The following VAV2 variants were observed in gnomAD, a reference collection of about 807,000 sequenced individuals.
VAV2 encodes guanine nucleotide exchange factor VAV2.
VAV2 carries 67 observed loss-of-function variants against 132.5 expected under a neutral mutation model. The ratio of observed to expected loss-of-function variants is 0.51; its 90% confidence interval spans 0.42 to 0.62. VAV2 has a LOEUF of 0.62. VAV2 is among the 20% of genes least tolerant of loss of function. VAV2 has a pLI of 0.00. For missense variants in VAV2, 938 were observed against 1,153.6 expected, an observed-to-expected ratio of 0.81 and a Z score of 2.71; for synonymous variants, 492 against 443.5, an observed-to-expected ratio of 1.11 and a Z score of -1.37.
At chr9:133,903,095 A>G (rs1839507103) in intron 2 of VAV2, among the ~76,000 whole-genome samples, 2 of 151,610 alleles carry the variant, frequency 1.3e-5, no homozygotes, top group African/African-American at 4.8e-5. Flanking sequence ...AAAAAAAAAA[A>G]AGAGGTAGTT....
At chr9:133,815,673 A>G (rs1374010570) in intron 4 of VAV2, among the ~76,000 whole-genome samples, 2 of 152,164 alleles carry the variant, frequency 1.3e-5, no homozygotes, top group Non-Finnish European at 2.9e-5. Flanking sequence ...CACGGCATGA[A>G]CAACAACGTG....
chr9:133,834,453 C>A lies in VAV2; in HGVS notation c.381-113G>T. On this transcript the variant is annotated intron_variant, in intron 3 of 29. Transcript: ENST00000371850. This position sits in a 1 kb window ranked among gnomAD's most constrained non-coding sequence, Gnocchi z 5.9. ...TGTGGCCCAGCCAGGAGCAAAGGGG[C>A]TCTTGTCCACTCTCTGGAAGGACAC... 1 of 1,026,890 alleles carries A rather than the reference C, an allele frequency of 9.7e-7. No individual in the cohort carries two copies. Among genetic ancestry groups the A allele is most frequent in the Non-Finnish European group, 1.4e-6 (1 of 698,070 alleles). 63.6% of individuals were successfully genotyped at this position (1,026,890 alleles called of 1,614,324 possible).
chr9:133,980,413 G>A (rs932965655), intron 1 of VAV2, among the ~76,000 whole-genome samples: 1 of 152,186 alleles, frequency 6.6e-6, no homozygotes, highest in African/African-American at 2.4e-5. Context: ...GGGCGGTCCT[G>A]AAACAAACCC....
rs528883636 is a variant in VAV2, at chr9:133,851,135, C to T, written c.380+10239G>A. ...CGGGCTTTAGGGGATTCCTGAGTTC[C>T]GCTGCAGATGGTGCCACATGGCCTC... On this transcript the variant is annotated intron_variant, in intron 3 of 29. Transcript: ENST00000371850. 1.1e-4 allele frequency among the ~76,000 whole-genome samples: 16 copies of T among 152,214 alleles called. No individual in the cohort carries two copies. The South Asian group carries it at 1.9e-3, about 18-fold the overall frequency.
intron 9 of VAV2, 62 bp from the exon 10 acceptor site, chr9:133,797,871 T>C (rs945606472): frequency 3.3e-6 from 5 of 1,500,168 alleles, no homozygotes; most frequent in African/African-American, 1.4e-5. Flanking sequence ...GGGGCTGCAG[T>C]GAGCCCGTCC....
intron 19 of VAV2, among the ~76,000 whole-genome samples, chr9:133,781,209 T>A (rs1267239457): frequency 6.6e-6 from 1 of 152,170 alleles, no homozygotes; most frequent in Admixed American, 6.5e-5. Context: ...CTGCTTGCCA[T>A]CCTCAGCTCA....
chr9:133,771,838 T>C (rs757984029), intron 26 of VAV2, 121 bp downstream of exon 26: 29 of 948,192 alleles, frequency 3.1e-5, no homozygotes, highest in Non-Finnish European at 4.7e-5. Context: ...ATTCCCTAAA[T>C]CTTGGCCACA....
At chr9:133,774,412 C>T (rs1024266273) in intron 25 of VAV2, among the ~76,000 whole-genome samples, 37 of 152,304 alleles carry the variant, frequency 2.4e-4, no homozygotes, top group African/African-American at 7.7e-4. Flanking sequence ...CCATCAGGGT[C>T]GGTCTCCTGG....
In VAV2 at chr9:133,778,749, C is replaced by A. The variant is rs1588162428; in HGVS notation, c.1890+13G>T. 1 of 1,611,444 alleles carries A rather than the reference C, an allele frequency of 6.2e-7. No individual in the cohort carries two copies. Among genetic ancestry groups the A allele is most frequent in the Admixed American group, 1.7e-5 (1 of 59,954 alleles). On this transcript the variant is annotated intron_variant, in intron 22 of 29. Coordinates refer to ENST00000371850, the MANE Select transcript of VAV2 (RefSeq NM_001134398.2). ...GCCGGGGACCCTCGACCCTCCCGGG[C>A]CCCAGGACCCACCTCCCACCACGGA...
chr9:133,864,756 C>A (rs1427540899), intron 2 of VAV2, among the ~76,000 whole-genome samples: 2 of 152,230 alleles, frequency 1.3e-5, no homozygotes, highest in Non-Finnish European at 2.9e-5. Flanking sequence ...TGGGTCAAAG[C>A]CTGCGGGAAG....
chr9:133,867,209 C>T (rs1459509733), intron 2 of VAV2, among the ~76,000 whole-genome samples: 1 of 151,860 alleles, frequency 6.6e-6, no homozygotes, highest in East Asian at 1.9e-4. Context: ...AGCAGGTCTG[C>T]AGCTGGGCAG....
chr9:133,900,493 T>G (rs1024814239), intron 2 of VAV2, among the ~76,000 whole-genome samples: 36 of 151,682 alleles, frequency 2.4e-4, no homozygotes, highest in African/African-American at 8.2e-4. Context: ...GTATAAAAAC[T>G]GGCCATAAAG....
chr9:133,884,850 C>T lies in VAV2; in HGVS notation c.322-23418G>A, dbSNP rs922099731. 5.9e-5 allele frequency among the ~76,000 whole-genome samples: 9 copies of T among 152,186 alleles called. No individual in the cohort carries two copies. Among genetic ancestry groups the T allele is most frequent in the African/African-American group, 1.9e-4 (8 of 41,450 alleles). On this transcript the variant is annotated intron_variant, in intron 2 of 29. Transcript: ENST00000371850. The surrounding 1 kb of genome is among the most constrained non-coding windows in gnomAD (Gnocchi z 5.3). ...GGGCAGGCAGCTCTATCAGAGACCA[C>T]AGGTGCACACAAGCATCCCCTCCCA...
At position 133,919,320 on chromosome 9, in the gene VAV2, G is replaced by A. The variant is rs192969322; in HGVS notation, c.321+19783C>T. On this transcript the variant is annotated intron_variant, in intron 2 of 29. Transcript: ENST00000371850. This position sits in a 1 kb window ranked among gnomAD's most constrained non-coding sequence, Gnocchi z 5.8. ...AATCCTGCTAAGCTGGCACTTGTGG[G>A]AAAATAGAGGCTCAGAAAGGCTGGA... 2.6e-5 allele frequency among the ~76,000 whole-genome samples: 4 copies of A among 152,354 alleles called. No homozygotes were observed. The highest frequency in any genetic ancestry group is 9.6e-5 in the African/African-American group (4 of 41,586).
chr9:133,976,711 G>A (rs969085916), intron 1 of VAV2, among the ~76,000 whole-genome samples: 2 of 152,204 alleles, frequency 1.3e-5, no homozygotes, highest in African/African-American at 4.8e-5. Flanking sequence ...CTGCTATTCT[G>A]GACGTTTTAA....
At chr9:133,786,837 G>A (rs2106373) in intron 16 of VAV2, among the ~76,000 whole-genome samples, 87,642 of 152,088 alleles carry the variant, frequency 0.58, 25,429 homozygotes, top group African/African-American at 0.59. Context: ...GCGGGAAAGA[G>A]GAACGAAGGG....
chr9:133,958,839 C>T (rs1841875852), intron 1 of VAV2, among the ~76,000 whole-genome samples: 1 of 152,214 alleles, frequency 6.6e-6, no homozygotes, highest in Non-Finnish European at 1.5e-5. Context: ...GTGTCTGGTC[C>T]TACTTTGTGC....
At chr9:133,832,459 T>C (rs1836299486) in intron 4 of VAV2, among the ~76,000 whole-genome samples, 1 of 152,056 alleles carries the variant, frequency 6.6e-6, no homozygotes, top group South Asian at 2.1e-4. Context: ...CCCTGCCCTC[T>C]CTGAGCCTCA....
At chr9:133,819,403 C>T (rs1372515521) in intron 4 of VAV2, among the ~76,000 whole-genome samples, 14 of 151,100 alleles carry the variant, frequency 9.3e-5, no homozygotes, top group Admixed American at 9.2e-4. Flanking sequence ...GAGCCGAGAT[C>T]GCGTCACTGC....
Sources: allele counts gnomAD v4.1 joint callset (sites outside exome capture counted in the v4.1 genomes callset), GRCh38; gene constraint gnomAD v4.1.1; non-coding constraint Gnocchi (gnomAD v3.1); transcripts MANE v1.5; gene names NCBI Gene and HGNC (gene_info 2026-07-23, HGNC 2026-07-21).